The following SLC1A3 variants were observed in gnomAD, a reference collection of about 807,000 sequenced individuals.
SLC1A3 encodes solute carrier family 1 member 3, also known as excitatory amino acid transporter 1.
In SLC1A3, 21 loss-of-function variants were observed where a neutral mutation model predicts 48.1. The observed-to-expected ratio is 0.44, with a 90% CI of 0.31 to 0.63. SLC1A3 has a LOEUF of 0.63. Ranked by LOEUF, SLC1A3 falls within the 20% of genes least tolerant of loss-of-function variation. The pLI, the probability that SLC1A3 is intolerant of heterozygous loss-of-function variation, is 0.08. For synonymous variants in SLC1A3, 239 were observed against 251.4 expected (o/e 0.95, Z 0.47); for missense variants, 546 against 689.0 (o/e 0.79, Z 2.32).
chr5:36,663,890 T>C (rs1015386466), intron 3 of SLC1A3, among the ~76,000 whole-genome samples: 2 of 152,216 alleles, frequency 1.3e-5, no homozygotes, highest in South Asian at 2.1e-4. Context: ...CTGATAAAAG[T>C]AAATTGCCTT....
intron 3 of SLC1A3, among the ~76,000 whole-genome samples, chr5:36,640,767 G>A (rs917566543): frequency 2.0e-5 from 3 of 151,996 alleles, no homozygotes; most frequent in Non-Finnish European, 2.9e-5. Flanking sequence ...GGAAAAAAGA[G>A]GGGAACCCCT....
chr5:36,633,686 A>T (rs193229757), intron 3 of SLC1A3, among the ~76,000 whole-genome samples: 215 of 152,322 alleles, frequency 1.4e-3, no homozygotes, highest in Admixed American at 2.7e-3. Flanking sequence ...CAAGAAAGTG[A>T]CAAGCTGATT....
At chr5:36,614,654 G>A (rs1034285033) in intron 2 of SLC1A3, among the ~76,000 whole-genome samples, 7 of 152,132 alleles carry the variant, frequency 4.6e-5, no homozygotes, top group African/African-American at 1.7e-4. Context: ...GTTTTAGTAA[G>A]TGTTGTAATA....
intron 2 of SLC1A3, among the ~76,000 whole-genome samples, chr5:36,612,441 C>T (rs1260943600): frequency 6.6e-6 from 1 of 151,668 alleles, no homozygotes; most frequent in East Asian, 1.9e-4. Flanking sequence ...AAAAAGTATC[C>T]GGGTGTAGTG....
intron 3 of SLC1A3, among the ~76,000 whole-genome samples, chr5:36,633,354 G>A (rs1740209863): frequency 6.6e-6 from 1 of 152,160 alleles, no homozygotes; most frequent in Admixed American, 6.5e-5. Context: ...AATCTCTGTG[G>A]TGTTGGGCAT....
Position 36,683,933 on chromosome 5 carries a change from T to C in SLC1A3, c.1359T>C (p.Ile453=), listed in dbSNP as rs1228253926. 1 of 1,614,190 alleles carries C rather than the reference T, an allele frequency of 6.2e-7. No individual in the cohort carries two copies. The highest frequency in any genetic ancestry group is 1.6e-4 in the Middle Eastern group (1 of 6,062). The change falls in exon 9 of 10, where the codon ATT becomes ATC. Residue 453 remains isoleucine, a synonymous_variant. Coordinates refer to ENST00000265113, the MANE Select transcript of SLC1A3 (RefSeq NM_004172.5). The part of the protein sequence containing the change: ...IPQAGLVTMV[I]VLTSVGLPTD... Reference sequence around the variant, plus strand: ...AGGCGGGCCTGGTCACTATGGTCATTGTGCTGACATCTGTCGGCCTGCCCA... The same window carrying C: ...AGGCGGGCCTGGTCACTATGGTCATCGTGCTGACATCTGTCGGCCTGCCCA...
Position 36,680,210 on chromosome 5 carries a change from C to T in SLC1A3, c.1095-185C>T. On this transcript the variant is annotated intron_variant, in intron 7 of 9. Transcript: ENST00000265113. ...GAGGAACCCAGAAGCAGGAGAGCTGCCAAATGACCCCGTGAGGGGACCACA... is the reference window on the plus strand; with the variant it reads ...GAGGAACCCAGAAGCAGGAGAGCTGTCAAATGACCCCGTGAGGGGACCACA... 4.6e-6 allele frequency: 3 copies of T among 653,958 alleles called. No homozygotes were observed. In the South Asian group the frequency reaches 5.3e-5, roughly 12 times the overall value. 40.5% of individuals were successfully genotyped at this position (653,958 alleles called of 1,614,324 possible).
At chr5:36,604,914 G>C (rs1026133040), upstream of SLC1A3, among the ~76,000 whole-genome samples, 2 of 149,092 alleles carry the variant, frequency 1.3e-5, no homozygotes, top group South Asian at 2.1e-4. Flanking sequence ...GGTGGGGGGG[G>C]GGGGTGTGCA....
At chr5:36,650,496 G>C (rs1258772989) in intron 3 of SLC1A3, among the ~76,000 whole-genome samples, 1 of 152,172 alleles carries the variant, frequency 6.6e-6, no homozygotes, top group African/African-American at 2.4e-5. Flanking sequence ...TTGAAGGCTA[G>C]CTCTCACATT....
chr5:36,685,466 G>A (rs531231222), intron 9 of SLC1A3, among the ~76,000 whole-genome samples: 15 of 152,142 alleles, frequency 9.9e-5, no homozygotes, highest in Admixed American at 9.8e-4. Context: ...TAGTAGAGAC[G>A]GGTTTCACCA....
At chr5:36,615,393 G>C (rs1739388428) in intron 2 of SLC1A3, among the ~76,000 whole-genome samples, 1 of 152,032 alleles carries the variant, frequency 6.6e-6, no homozygotes, top group Non-Finnish European at 1.5e-5. Context: ...ATTTTGTTTT[G>C]CTTTGTTTTG....
intron 3 of SLC1A3, among the ~76,000 whole-genome samples, chr5:36,664,195 A>G (rs894041177): frequency 6.6e-6 from 1 of 152,182 alleles, no homozygotes; most frequent in Non-Finnish European, 1.5e-5. Flanking sequence ...GTGCAATGGC[A>G]TGATCTCAGC....
chr5:36,680,247 C>T, intron 7 of SLC1A3, 148 bp from the exon 8 acceptor site: 1 of 736,514 alleles, frequency 1.4e-6, no homozygotes, highest in Non-Finnish European at 2.4e-6. Flanking sequence ...TGTTCTTAAC[C>T]TGCTCCCCTA....
In SLC1A3 at chr5:36,683,869, C is replaced by T. The variant is rs1301585140; in HGVS notation, c.1295C>T (p.Thr432Ile). ...NFGQIITISI[T>I]ATAASIGAAG... ...TCTGGTACTTCTGTTAACAGCATCA[C>T]AGCCACAGCTGCCAGTATTGGGGCA... The change falls in exon 9 of 10, where the codon ACA becomes ATA. Residue 432 changes from threonine (T) to isoleucine (I), a missense_variant. Thr to Ile is a moderately conservative substitution (Grantham distance 89). This residue lies in a region of SLC1A3 where 142 missense variants were observed against 238.0 expected (regional missense o/e 0.60). Coordinates refer to ENST00000265113, the MANE Select transcript of SLC1A3 (RefSeq NM_004172.5). 1 of 1,614,116 alleles carries T rather than the reference C, an allele frequency of 6.2e-7. No individual in the cohort carries two copies. The highest frequency in any genetic ancestry group is 8.5e-7 in the Non-Finnish European group (1 of 1,180,046).
At chr5:36,596,722 C>G (rs1185496187) in intron 1 of SLC1A3, among the ~76,000 whole-genome samples, 1 of 152,208 alleles carries the variant, frequency 6.6e-6, no homozygotes, top group Non-Finnish European at 1.5e-5. Flanking sequence ...CAGCAAACAT[C>G]TAAAAAGAGT....
At chr5:36,618,634 T>C (rs922718735) in intron 2 of SLC1A3, among the ~76,000 whole-genome samples, 3 of 152,146 alleles carry the variant, frequency 2.0e-5, no homozygotes, top group Admixed American at 1.3e-4. Flanking sequence ...TATCAGTTAG[T>C]AGAACAGAGG....
chr5:36,651,985 C>A (rs902701101), intron 3 of SLC1A3, among the ~76,000 whole-genome samples: 2 of 152,154 alleles, frequency 1.3e-5, no homozygotes, highest in Admixed American at 1.3e-4. Flanking sequence ...AAAACCAACA[C>A]CGGACTCTTG....
At chr5:36,602,512 CAT>C (rs1191000687), upstream of SLC1A3, among the ~76,000 whole-genome samples, 2 of 152,194 alleles carry the variant, frequency 1.3e-5, no homozygotes, top group Non-Finnish European at 2.9e-5. Context: ...AGTCTTGACT[CAT>C]GTTGAGCAAC....
rs1371499415 is a variant in SLC1A3, at chr5:36,677,127, G to A, written c.803G>A (p.Arg268Lys). ...ATGAAGGAACAGGGGCAGGCCCTGA[G>A]AGAGTTCTTTGATTCTCTTAACGAA... ...GNMKEQGQAL[R>K]EFFDSLNEAI... The change falls in exon 6 of 10, where the codon AGA (arginine) becomes AAA (lysine). Residue 268 changes from arginine (R) to lysine (K), a missense_variant. By Grantham distance (26) the Arg-to-Lys change is conservative. Around this residue, in one of 3 missense-constraint regions of SLC1A3, gnomAD observed 348 missense variants for 392.0 expected, o/e 0.89. Coordinates refer to ENST00000265113, the MANE Select transcript of SLC1A3 (RefSeq NM_004172.5). The A allele has an allele frequency of 9.9e-6, 16 of 1,614,060 alleles. No homozygotes were observed. Among genetic ancestry groups the A allele is most frequent in the Non-Finnish European group, 1.4e-5 (16 of 1,179,994 alleles).
Sources: gnomAD v4.1 joint callset for allele counts (sites outside exome capture counted in the v4.1 genomes callset) on GRCh38, gnomAD v4.1.1 for gene constraint, gnomAD v4.1.1 regional missense constraint, MANE v1.5 for transcripts, NCBI Gene and HGNC (gene_info 2026-07-23, HGNC 2026-07-21) for gene names.